Variants in SLC35F1 observed in about 807,000 individuals in gnomAD.
The protein encoded by SLC35F1 is solute carrier family 35 member F1.
A neutral mutation model predicts 48.7 loss-of-function variants in SLC35F1; 14 were observed. The observed-to-expected ratio is 0.29, with a 90% confidence interval of 0.19 to 0.45. The LOEUF is 0.45. SLC35F1 is among the 20% of genes least tolerant of loss of function. The pLI is 1.00. For missense variants in SLC35F1, 404 were observed against 500.0 expected (o/e 0.81, Z 1.83); for synonymous variants, 190 against 202.2 (o/e 0.94, Z 0.51).
chr6:117,959,376 A>G (rs935754281), intron 1 of SLC35F1, among the ~76,000 whole-genome samples: 3 of 152,154 alleles, frequency 2.0e-5, no homozygotes, highest in African/African-American at 7.2e-5. Context: ...AGCACATTGT[A>G]CTAAATGCTG....
chr6:118,287,205 C>T (rs767571045), intron 7 of SLC35F1, among the ~76,000 whole-genome samples: 4 of 152,184 alleles, frequency 2.6e-5, no homozygotes, highest in Non-Finnish European at 5.9e-5. Context: ...CAAAATCCCC[C>T]TCCTCACACA....
chr6:118,079,428 A>G (rs1377237219), intron 1 of SLC35F1, among the ~76,000 whole-genome samples: 1 of 152,146 alleles, frequency 6.6e-6, no homozygotes, highest in Non-Finnish European at 1.5e-5. Flanking sequence ...GGTTACTTTC[A>G]TATTTTTGGC....
chr6:118,201,702 CA>C (rs1224764116), intron 2 of SLC35F1, among the ~76,000 whole-genome samples: 68 of 152,288 alleles, frequency 4.5e-4, no homozygotes, highest in African/African-American at 1.6e-3. Context: ...GTACAACTAT[CA>C]CGATAAATTT....
intron 1 of SLC35F1, among the ~76,000 whole-genome samples, chr6:118,139,751 A>G (rs1244823007): frequency 6.6e-6 from 1 of 152,216 alleles, no homozygotes; most frequent in African/African-American, 2.4e-5. Context: ...ATGCACAAGT[A>G]GAAAGTGAAG....
intron 2 of SLC35F1, among the ~76,000 whole-genome samples, chr6:118,161,063 C>T (rs908725869): frequency 4.6e-5 from 7 of 151,260 alleles, no homozygotes; most frequent in Non-Finnish European, 8.9e-5. Context: ...TGACCAATAC[C>T]ACATGTAAAA....
intron 7 of SLC35F1, among the ~76,000 whole-genome samples, chr6:118,288,743 T>C (rs965726577): frequency 4.6e-5 from 7 of 152,222 alleles, no homozygotes; most frequent in African/African-American, 1.7e-4. Context: ...TGAACTAGAT[T>C]TTCAGGTTAA....
intron 1 of SLC35F1, among the ~76,000 whole-genome samples, chr6:118,122,878 T>A (rs10499085): frequency 0.31 from 46,526 of 151,928 alleles, 8,706 homozygotes; most frequent in Non-Finnish European, 0.43. Context: ...CAGGGAAGAG[T>A]ATTCAAAATT....
At position 118,315,433 on chromosome 6, in the gene SLC35F1, C is replaced by CTTTTTTTTTTTTTTTTTTTTTTTTT. The variant is rs11293041; in HGVS notation, c.*1205_*1206insTTTTTTTTTTTTTTTTTTTTTTTTT. 1.3e-5 allele frequency: 1 copy of CTTTTTTTTTTTTTTTTTTTTTTTTT among 78,918 alleles called. No homozygotes were observed. Among genetic ancestry groups the CTTTTTTTTTTTTTTTTTTTTTTTTT allele is most frequent in the Non-Finnish European group, 2.3e-5 (1 of 43,310 alleles). The allele number at this position is 78,918 out of a possible 1,614,324, so 4.9% of individuals were successfully genotyped here. ...ATAACAGATATATTGACACGACATT[C>CTTTTTTTTTTTTTTTTTTTTTTTTT]TTTTTTTTTTTTTTTTTTTTTTTTG... On this transcript the variant is annotated 3_prime_UTR_variant, in exon 8 of 8. Transcript: ENST00000360388.
intron 1 of SLC35F1, among the ~76,000 whole-genome samples, chr6:118,060,896 G>A (rs560794184): frequency 2.6e-5 from 4 of 152,184 alleles, no homozygotes; most frequent in East Asian, 1.9e-4. Context: ...GTAGATCCAG[G>A]AGTAAAGCCA....
At chr6:118,065,332 G>T (rs763206148) in intron 1 of SLC35F1, among the ~76,000 whole-genome samples, 1 of 152,122 alleles carries the variant, frequency 6.6e-6, no homozygotes, top group Non-Finnish European at 1.5e-5. Flanking sequence ...TTTTTAACAC[G>T]ATTTTATAGA....
intron 1 of SLC35F1, among the ~76,000 whole-genome samples, chr6:117,935,199 A>G (rs1776149664): frequency 6.6e-6 from 1 of 152,214 alleles, no homozygotes; most frequent in Non-Finnish European, 1.5e-5. Flanking sequence ...TATCTTTTCC[A>G]TTGGACAGAT....
intron 1 of SLC35F1, among the ~76,000 whole-genome samples, chr6:118,045,879 T>C (rs1371156510): frequency 6.6e-6 from 1 of 152,204 alleles, no homozygotes. Flanking sequence ...CTCCTTTCTT[T>C]TACGTTTGTT....
At chr6:118,146,611 T>G (rs1773976642) in intron 1 of SLC35F1, among the ~76,000 whole-genome samples, 1 of 152,198 alleles carries the variant, frequency 6.6e-6, no homozygotes, top group Non-Finnish European at 1.5e-5. Context: ...AGCAGTTTCA[T>G]ATAAATTTAT....
intron 1 of SLC35F1, among the ~76,000 whole-genome samples, chr6:118,140,130 T>C (rs572592322): frequency 1.3e-5 from 2 of 152,218 alleles, no homozygotes; most frequent in Non-Finnish European, 2.9e-5. Flanking sequence ...GGAAACATTA[T>C]AGCAGCCTTT....
chr6:118,289,704 C>T (rs1341811846), intron 7 of SLC35F1, among the ~76,000 whole-genome samples: 1 of 152,154 alleles, frequency 6.6e-6, no homozygotes, highest in African/African-American at 2.4e-5. Flanking sequence ...GTTCTCAACT[C>T]TGGCCATACC....
At chr6:118,188,504 C>T (rs551162814) in intron 2 of SLC35F1, among the ~76,000 whole-genome samples, 1 of 151,236 alleles carries the variant, frequency 6.6e-6, no homozygotes, top group Admixed American at 6.6e-5. Flanking sequence ...GAGCCAAGAC[C>T]GTGCCGTTGT....
At chr6:118,020,109 A>G (rs1324491001) in intron 1 of SLC35F1, among the ~76,000 whole-genome samples, 1 of 152,216 alleles carries the variant, frequency 6.6e-6, no homozygotes, top group African/African-American at 2.4e-5. Context: ...GAACTAATTC[A>G]CCATAATGTA....
At chr6:118,254,042 G>A (rs1410803886) in intron 3 of SLC35F1, among the ~76,000 whole-genome samples, 2 of 151,932 alleles carry the variant, frequency 1.3e-5, no homozygotes, top group African/African-American at 4.8e-5. Flanking sequence ...GACAGCAGAT[G>A]GGGAGAGGGG....
intron 3 of SLC35F1, among the ~76,000 whole-genome samples, chr6:118,243,654 A>C (rs968150613): frequency 6.6e-5 from 10 of 152,224 alleles, no homozygotes; most frequent in African/African-American, 2.4e-4. Flanking sequence ...ATAGTCAAGA[A>C]GTATGACAGA....
Sources: allele counts gnomAD v4.1 joint callset (sites outside exome capture counted in the v4.1 genomes callset), GRCh38; gene constraint gnomAD v4.1.1; transcripts MANE v1.5; gene names NCBI Gene and HGNC (gene_info 2026-07-23, HGNC 2026-07-21).